NR3C2: variants seen among roughly 807,000 people sequenced by gnomAD.
NR3C2 encodes the protein mineralocorticoid receptor.
A neutral mutation model predicts 86.4 loss-of-function variants in NR3C2; 15 were observed. The ratio of observed to expected loss-of-function variants is 0.17; its 90% CI spans 0.12 to 0.27. The LOEUF (loss-of-function observed/expected upper bound fraction) is 0.27. NR3C2 is among the 10% of genes least tolerant of loss of function. The pLI is 1.00. For synonymous variants in NR3C2, 458 were observed against 450.5 expected, an observed-to-expected ratio of 1.02 and a Z score of -0.21; for missense variants, 960 against 1,195.6, an observed-to-expected ratio of 0.80 and a Z score of 2.91.
intron 2 of NR3C2, among the ~76,000 whole-genome samples, chr4:148,366,213 G>A (rs1746103884): frequency 6.6e-6 from 1 of 152,146 alleles, no homozygotes; most frequent in Non-Finnish European, 1.5e-5. Flanking sequence ...CAAAGCAGGT[G>A]TATCCACATA....
intron 6 of NR3C2, among the ~76,000 whole-genome samples, chr4:148,142,450 G>A (rs188074920): frequency 2.0e-5 from 3 of 152,232 alleles, no homozygotes; most frequent in East Asian, 1.9e-4. Context: ...CAGTGTTGGA[G>A]GTGGGGCCTG....
rs746003281 is a variant in NR3C2, at chr4:148,194,792, A to G, written c.1968T>C (p.Pro656=). Residue 656 remains proline (P), a synonymous_variant, in exon 4 of 9, where the codon CCT becomes CCC. Transcript: ENST00000358102. ...GAAGACATTTCTGAAGTCTGCAAGC[A>G]GGACAATTCTTTCGTCGAATCTTAT... ...IIDKIRRKNC[P]ACRLQKCLQA... is the part of the protein sequence containing the mutation. 3 of 1,612,504 alleles carry G rather than the reference A, an allele frequency of 1.9e-6. No individual in the cohort carries two copies. The highest frequency in any genetic ancestry group is 2.2e-5 in the South Asian group (2 of 91,074).
In NR3C2 at chr4:148,258,976, T is replaced by A. The variant is rs547354473; in HGVS notation, c.1897+1002A>T. On this transcript the variant is annotated intron_variant, in intron 3 of 8. Transcript: ENST00000358102. ...ATTAATTGTGTAAATAATGTAAAAATCATGTAATATCAATTAATGCAAAAT... is the reference window on the plus strand; with the variant it reads ...ATTAATTGTGTAAATAATGTAAAAAACATGTAATATCAATTAATGCAAAAT... Among the ~76,000 whole-genome samples, 11 of 152,340 alleles carry A rather than the reference T, an allele frequency of 7.2e-5. No homozygotes were observed. The East Asian group carries it at 2.1e-3, about 29-fold the overall frequency.
Position 148,306,433 on chromosome 4 carries a change from A to C in NR3C2, c.1758-46316T>G, listed in dbSNP as rs1742629332. Among the ~76,000 whole-genome samples, 4 of 152,342 alleles carry C rather than the reference A, an allele frequency of 2.6e-5. No individual in the cohort carries two copies. The South Asian group carries it at 8.3e-4, about 32-fold the overall frequency. On this transcript the variant is annotated intron_variant, in intron 2 of 8. Transcript: ENST00000358102. ...CACTCCTATGTCGGAGGGTAAGTCT[A>C]TCCAGTATATTCTTCCAACATATCC...
intron 8 of NR3C2, among the ~76,000 whole-genome samples, chr4:148,086,510 G>T (rs773333235): frequency 2.0e-5 from 3 of 152,142 alleles, no homozygotes; most frequent in African/African-American, 7.2e-5. Flanking sequence ...TGAGGTGGGC[G>T]GATCACTTGA....
intron 2 of NR3C2, among the ~76,000 whole-genome samples, chr4:148,265,357 G>C (rs1404889432): frequency 6.6e-6 from 1 of 152,040 alleles, no homozygotes; most frequent in Admixed American, 6.6e-5. Flanking sequence ...CAAAAGAATG[G>C]TGCTTGGGGA....
intron 2 of NR3C2, among the ~76,000 whole-genome samples, chr4:148,408,818 T>C (rs1221869021): frequency 1.3e-5 from 2 of 152,198 alleles, no homozygotes; most frequent in Non-Finnish European, 2.9e-5. Flanking sequence ...ACTGTGTATT[T>C]CTGCATATAT....
chr4:148,214,978 C>T lies in NR3C2; in HGVS notation c.1898-20116G>A, dbSNP rs898751240. ...CACCCAGGCATGCAGCCTGGGGCTG[C>T]GTGCAGCCTTCAACAAGGGGATGGG... is the stretch of plus-strand genomic sequence containing the variant. On this transcript the variant is annotated intron_variant, in intron 3 of 8. Coordinates refer to ENST00000358102, the MANE Select transcript of NR3C2 (RefSeq NM_000901.5). Among the ~76,000 whole-genome samples the T allele has an allele frequency of 8.9e-5, 11 of 122,952 alleles. No individual in the cohort carries two copies. The East Asian group carries it at 1.4e-3, about 15-fold the overall frequency. 80.7% of individuals were successfully genotyped at this position (122,952 alleles called of 152,430 possible). A position where few individuals can be genotyped will look rare whatever the true frequency, so the allele number is the denominator to read the frequency against.
intron 4 of NR3C2, among the ~76,000 whole-genome samples, chr4:148,161,732 C>T (rs1734671373): frequency 1.3e-5 from 2 of 151,940 alleles, no homozygotes; most frequent in African/African-American, 4.8e-5. Context: ...AACTAATATC[C>T]ACCCATTGTA....
chr4:148,281,580 G>GTATATA (rs1173788524), intron 2 of NR3C2, among the ~76,000 whole-genome samples: 1 of 152,190 alleles, frequency 6.6e-6, no homozygotes, highest in Non-Finnish European at 1.5e-5. Context: ...GATATACCCT[G>GTATATA]TACTTTGTGC....
chr4:148,194,248 T>G (rs1048616854), intron 4 of NR3C2, among the ~76,000 whole-genome samples: 2 of 152,206 alleles, frequency 1.3e-5, no homozygotes, highest in Admixed American at 1.3e-4. Flanking sequence ...ATGGATGTTG[T>G]ATACTTTCGC....
intron 2 of NR3C2, among the ~76,000 whole-genome samples, chr4:148,376,145 C>CAAAAAA (rs70962716): frequency 2.8e-5 from 3 of 105,842 alleles, no homozygotes; most frequent in Admixed American, 9.4e-5. Flanking sequence ...AGGAGTAAGG[C>CAAAAAA]AAAAAAAAAA....
intron 2 of NR3C2, among the ~76,000 whole-genome samples, chr4:148,313,775 T>C (rs58464129): frequency 0.34 from 51,497 of 152,084 alleles, 9,981 homozygotes; most frequent in African/African-American, 0.54. Context: ...TCCTGCTGTA[T>C]GTCTTCTGTC....
intron 3 of NR3C2, among the ~76,000 whole-genome samples, chr4:148,252,331 T>G (rs936917514): frequency 2.6e-5 from 4 of 152,200 alleles, no homozygotes; most frequent in African/African-American, 9.6e-5. Flanking sequence ...CGATATTACC[T>G]TTCCAAACTC....
intron 3 of NR3C2, among the ~76,000 whole-genome samples, chr4:148,233,683 G>A (rs1738583576): frequency 6.6e-6 from 1 of 152,254 alleles, no homozygotes; most frequent in Non-Finnish European, 1.5e-5. Flanking sequence ...CAACGTCTGA[G>A]GAGAGGAAGA....
intron 6 of NR3C2, among the ~76,000 whole-genome samples, chr4:148,151,851 T>G (rs575023415): frequency 3.3e-5 from 5 of 152,200 alleles, no homozygotes; most frequent in African/African-American, 1.2e-4. Context: ...TAATGAGGAA[T>G]GCAAACAGTA....
At chr4:148,130,910 G>A (rs1442703063) in intron 6 of NR3C2, among the ~76,000 whole-genome samples, 4 of 140,228 alleles carry the variant, frequency 2.9e-5, no homozygotes, top group African/African-American at 5.4e-5. Context: ...TGCAAACTCC[G>A]CCTCCTGGGT....
At chr4:148,173,796 T>A (rs1416505569) in intron 4 of NR3C2, among the ~76,000 whole-genome samples, 2 of 152,214 alleles carry the variant, frequency 1.3e-5, no homozygotes, top group Non-Finnish European at 2.9e-5. Flanking sequence ...AGGGCCCTGT[T>A]ACTCAAACCA....
chr4:148,307,716 G>C (rs1742701443), intron 2 of NR3C2, among the ~76,000 whole-genome samples: 1 of 152,056 alleles, frequency 6.6e-6, no homozygotes, highest in African/African-American at 2.4e-5. Context: ...CCAAAGGGAA[G>C]GGTAAAGTCA....
Sources: gnomAD v4.1 joint callset for allele counts (sites outside exome capture counted in the v4.1 genomes callset) on GRCh38, gnomAD v4.1.1 for gene constraint, MANE v1.5 for transcripts, NCBI Gene and HGNC (gene_info 2026-07-23, HGNC 2026-07-21) for gene names.